The following CCDC91 variants were observed in gnomAD, a reference collection of about 807,000 sequenced individuals.
CCDC91 encodes the protein coiled-coil domain containing 91, also known as coiled-coil domain-containing protein 91.
Under a neutral mutation model 63.2 loss-of-function variants are expected in CCDC91, and 48 were observed. That is an observed-to-expected ratio of 0.76 (90% CI 0.60 to 0.97). The LOEUF (loss-of-function observed/expected upper bound fraction) is 0.97. Ranked by LOEUF, CCDC91 falls within the 50% of genes least tolerant of loss-of-function variation. The pLI is 0.00. For synonymous variants in CCDC91, 167 were observed against 165.8 expected (o/e 1.01, Z -0.06); for missense variants, 500 against 494.6 (o/e 1.01, Z -0.10).
intron 1 of CCDC91, among the ~76,000 whole-genome samples, chr12:28,233,255 C>T (rs757726121): frequency 6.6e-6 from 1 of 152,108 alleles, no homozygotes; most frequent in African/African-American, 2.4e-5. Flanking sequence ...ATACCATTCT[C>T]CCCCAACCCC....
intron 8 of CCDC91, among the ~76,000 whole-genome samples, chr12:28,447,813 A>G (rs1592702798): frequency 5.8e-4 from 3 of 5,174 alleles, no homozygotes; most frequent in Admixed American, 4.1e-3. Context: ...GAGGGGAGGG[A>G]GGGGAAGGGA....
At chr12:28,401,062 G>A (rs1366293117) in intron 8 of CCDC91, among the ~76,000 whole-genome samples, 2 of 152,050 alleles carry the variant, frequency 1.3e-5, no homozygotes, top group Non-Finnish European at 2.9e-5. Context: ...CTGTTACTCA[G>A]TTCCAAAGTC....
intron 3 of CCDC91, among the ~76,000 whole-genome samples, chr12:28,293,748 A>T (rs1949387711): frequency 6.7e-6 from 1 of 149,730 alleles, no homozygotes. Context: ...TTATTCCAGG[A>T]GATGGGGTCT....
At chr12:28,253,719 T>A (rs898523828) in intron 1 of CCDC91, among the ~76,000 whole-genome samples, 1 of 152,208 alleles carries the variant, frequency 6.6e-6, no homozygotes, top group Admixed American at 6.5e-5. Flanking sequence ...AAGAAATCTT[T>A]GTATTCTTAC....
At chr12:28,522,467 C>A (rs1940798280) in intron 12 of CCDC91, among the ~76,000 whole-genome samples, 1 of 151,932 alleles carries the variant, frequency 6.6e-6, no homozygotes, top group Admixed American at 6.6e-5. Flanking sequence ...TCTCTCTTTT[C>A]TTCTTTATTA....
intron 1 of CCDC91, among the ~76,000 whole-genome samples, chr12:28,242,921 A>G (rs1401026818): frequency 6.6e-6 from 1 of 151,298 alleles, no homozygotes; most frequent in African/African-American, 2.4e-5. Context: ...TCTGACATGT[A>G]AGAGGTGTCT....
In CCDC91 at chr12:28,394,660, A is replaced by G. The variant is rs77619457; in HGVS notation, c.762+3249A>G. ...TGTCTTTGAGAAAAGCGCAAATCTA[A>G]TAGCTGGATGGTTCCTTAGGAATCA... On this transcript the variant is annotated intron_variant, in intron 8 of 12. Coordinates refer to ENST00000536442, the MANE Select transcript of CCDC91 (RefSeq NM_018318.5). Among the ~76,000 whole-genome samples, 171 of 148,756 alleles carry G rather than the reference A, an allele frequency of 1.1e-3. 1 individual carries two copies. The East Asian group carries it at 0.016, about 14-fold the overall frequency.
intron 6 of CCDC91, among the ~76,000 whole-genome samples, chr12:28,354,140 A>G (rs926320521): frequency 6.6e-6 from 1 of 152,198 alleles, no homozygotes; most frequent in African/African-American, 2.4e-5. Context: ...AAAACAGCAG[A>G]AAATTATGTT....
chr12:28,490,126 C>T lies in CCDC91; in HGVS notation c.1215+5961C>T, dbSNP rs556709756. ...TTTATAAATTAGTGTAGGAAAATGG[C>T]GCTTTCCTGACATTTCCCATCTTCC... On this transcript the variant is annotated intron_variant, in intron 12 of 12. Coordinates refer to ENST00000536442, the MANE Select transcript of CCDC91 (RefSeq NM_018318.5). 9.2e-4 allele frequency among the ~76,000 whole-genome samples: 140 copies of T among 151,818 alleles called. 1 individual carries two copies. The highest frequency in any genetic ancestry group is 3.1e-3 in the African/African-American group (127 of 41,456).
intron 1 of CCDC91, chr12:28,256,765 G>C (rs946539911): frequency 3.9e-5 from 6 of 154,408 alleles, no homozygotes; most frequent in African/African-American, 1.4e-4. Context: ...ATCTAAATCA[G>C]CCTTGGCCCT....
chr12:28,292,787 C>T (rs1447749303), intron 3 of CCDC91, among the ~76,000 whole-genome samples: 3 of 152,112 alleles, frequency 2.0e-5, no homozygotes, highest in African/African-American at 7.2e-5. Flanking sequence ...AAATAGAGTA[C>T]TCTATTTGGG....
intron 3 of CCDC91, among the ~76,000 whole-genome samples, chr12:28,299,068 CTTTA>C (rs1937754520): frequency 6.6e-6 from 1 of 151,498 alleles, no homozygotes; most frequent in African/African-American, 2.4e-5. Flanking sequence ...GCAAGTCTTT[CTTTA>C]TTTAGCAGTT....
intron 1 of CCDC91, among the ~76,000 whole-genome samples, chr12:28,244,957 A>G (rs1945627101): frequency 6.6e-6 from 1 of 152,190 alleles, no homozygotes; most frequent in South Asian, 2.1e-4. Context: ...AGTAACAACA[A>G]ATAACTAGAA....
chr12:28,533,074 T>C (rs1179226791), intron 12 of CCDC91, among the ~76,000 whole-genome samples: 2 of 152,158 alleles, frequency 1.3e-5, no homozygotes, highest in Admixed American at 1.3e-4. Flanking sequence ...TAGTATGCCC[T>C]ATTTGGGCAC....
intron 6 of CCDC91, among the ~76,000 whole-genome samples, chr12:28,317,563 A>G (rs1940025942): frequency 6.6e-6 from 1 of 152,008 alleles, no homozygotes; most frequent in South Asian, 2.1e-4. Flanking sequence ...GTTTGGAGAA[A>G]AATGATTTTT....
intron 12 of CCDC91, among the ~76,000 whole-genome samples, chr12:28,491,934 TGTG>T (rs895469335): frequency 4.1e-5 from 6 of 145,284 alleles, no homozygotes; most frequent in Non-Finnish European, 9.2e-5. Context: ...TATATCAAAA[TGTG>T]TGTGTGCGTG....
At chr12:28,350,749 T>C (rs1943126485) in intron 6 of CCDC91, among the ~76,000 whole-genome samples, 2 of 152,334 alleles carry the variant, frequency 1.3e-5, no homozygotes, top group African/African-American at 4.8e-5. Context: ...CAGTTTCTCA[T>C]GGCACGTGAC....
chr12:28,234,418 G>A (rs1418093316), intron 1 of CCDC91, among the ~76,000 whole-genome samples: 3 of 152,006 alleles, frequency 2.0e-5, no homozygotes, highest in Non-Finnish European at 4.4e-5. Flanking sequence ...AAAGCAAGTG[G>A]TCCTTATCAA....
intron 6 of CCDC91, among the ~76,000 whole-genome samples, chr12:28,342,161 A>T (rs1207397653): frequency 3.9e-5 from 6 of 152,226 alleles, no homozygotes; most frequent in Non-Finnish European, 8.8e-5. Context: ...TCTGAGATGC[A>T]GAAACTGTGT....
Sources: allele counts gnomAD v4.1 joint callset (sites outside exome capture counted in the v4.1 genomes callset), GRCh38; gene constraint gnomAD v4.1.1; transcripts MANE v1.5; gene names NCBI Gene and HGNC (gene_info 2026-07-23, HGNC 2026-07-21).